PDE3A: variants seen among roughly 807,000 people sequenced by gnomAD.
PDE3A encodes cGMP-inhibited 3',5'-cyclic phosphodiesterase 3A.
PDE3A carries 43 observed loss-of-function variants against 98.3 expected under a neutral mutation model. That is an observed-to-expected ratio of 0.44 (90% CI 0.34 to 0.56). PDE3A has a LOEUF of 0.56. Among genes scored for constraint, PDE3A ranks in the 20% least tolerant of loss-of-function variants. The pLI is 0.01. For missense variants in PDE3A, 1,427 were observed against 1,440.7 expected (o/e 0.99, Z 0.15); for synonymous variants, 663 against 567.9 (o/e 1.17, Z -2.38).
At chr12:20,512,926 A>G (rs1168141040) in intron 1 of PDE3A, among the ~76,000 whole-genome samples, 1 of 152,150 alleles carries the variant, frequency 6.6e-6, no homozygotes, top group Non-Finnish European at 1.5e-5. Context: ...CGTATTATTC[A>G]TAATAGAAGT....
At chr12:20,515,457 T>C (rs1242563497) in intron 1 of PDE3A, among the ~76,000 whole-genome samples, 1 of 152,090 alleles carries the variant, frequency 6.6e-6, no homozygotes, top group Non-Finnish European at 1.5e-5. Flanking sequence ...ACTTTACACA[T>C]CTATAGGTAG....
At chr12:20,662,936 G>A (rs749006529) in intron 15 of PDE3A, among the ~76,000 whole-genome samples, 2 of 152,270 alleles carry the variant, frequency 1.3e-5, no homozygotes, top group Admixed American at 1.3e-4. Flanking sequence ...TCCTATCATA[G>A]ACCCAGAGGC....
At chr12:20,674,879 T>C (rs1945593277) in intron 15 of PDE3A, among the ~76,000 whole-genome samples, 1 of 151,978 alleles carries the variant, frequency 6.6e-6, no homozygotes, top group Non-Finnish European at 1.5e-5. Flanking sequence ...TTTGTTTATC[T>C]TTTCAAAAAA....
At chr12:20,491,802 C>T (rs565399656) in intron 1 of PDE3A, among the ~76,000 whole-genome samples, 1 of 152,286 alleles carries the variant, frequency 6.6e-6, no homozygotes, top group South Asian at 2.1e-4. Context: ...CTAGGTTACT[C>T]TACCGGTATA....
In PDE3A at chr12:20,369,180, A is replaced by G; in HGVS notation, c.-105A>G. On this transcript the variant is annotated 5_prime_UTR_variant, in exon 1 of 16. Coordinates refer to ENST00000359062, the MANE Select transcript of PDE3A (RefSeq NM_000921.5). ...GGATTCCGAGGGTGGAATTGGGAAGAGCGTGCGTGCGTGTGTGTGTGTGTG... is the reference window on the plus strand; with the variant it reads ...GGATTCCGAGGGTGGAATTGGGAAGGGCGTGCGTGCGTGTGTGTGTGTGTG... 4 of 626,646 alleles carry G rather than the reference A, an allele frequency of 6.4e-6. No homozygotes were observed. The highest frequency in any genetic ancestry group is 2.4e-5 in the South Asian group (1 of 42,504). 38.8% of individuals were successfully genotyped at this position (626,646 alleles called of 1,614,324 possible).
In PDE3A at chr12:20,462,891, G is replaced by C. The variant is rs576686022; in HGVS notation, c.960+92647G>C. Among the ~76,000 whole-genome samples the C allele has an allele frequency of 5.3e-5, 8 of 151,990 alleles. No homozygotes were observed. In the East Asian group the frequency reaches 1.6e-3, roughly 30 times the overall value. On this transcript the variant is annotated intron_variant, in intron 1 of 15. Coordinates refer to ENST00000359062, the MANE Select transcript of PDE3A (RefSeq NM_000921.5). ...TGTAGCCTTGACCTTCCAGGCTCAA[G>C]GGATCCTCCTACTTCGGCCTCCTGA...
chr12:20,381,512 G>C (rs1254056714), intron 1 of PDE3A, among the ~76,000 whole-genome samples: 1 of 151,816 alleles, frequency 6.6e-6, no homozygotes, highest in African/African-American at 2.4e-5. Flanking sequence ...GACACTCTTG[G>C]AAGCTGGGCA....
At chr12:20,395,191 G>A (rs1214963742) in intron 1 of PDE3A, among the ~76,000 whole-genome samples, 1 of 151,940 alleles carries the variant, frequency 6.6e-6, no homozygotes, top group Non-Finnish European at 1.5e-5. Flanking sequence ...TAGTCTCTCT[G>A]AGACAGAATG....
intron 2 of PDE3A, among the ~76,000 whole-genome samples, chr12:20,602,073 A>G (rs1943606615): frequency 6.6e-6 from 1 of 151,836 alleles, no homozygotes; most frequent in Non-Finnish European, 1.5e-5. Flanking sequence ...GCTCACATCC[A>G]GTTAAGTTCT....
At chr12:20,563,663 T>C (rs1438535341) in intron 2 of PDE3A, among the ~76,000 whole-genome samples, 1 of 152,120 alleles carries the variant, frequency 6.6e-6, no homozygotes. Flanking sequence ...GGTTTTGGGG[T>C]TTTTCGTTTG....
intron 2 of PDE3A, among the ~76,000 whole-genome samples, chr12:20,566,043 A>C (rs1277223230): frequency 6.6e-6 from 1 of 151,938 alleles, no homozygotes; most frequent in African/African-American, 2.4e-5. Flanking sequence ...CCATCATGTA[A>C]ACATCAGTAA....
intron 1 of PDE3A, among the ~76,000 whole-genome samples, chr12:20,414,781 A>G (rs1235542037): frequency 1.3e-5 from 2 of 152,186 alleles, no homozygotes; most frequent in Admixed American, 6.5e-5. Context: ...TTACATAACA[A>G]TTATATTGAA....
At chr12:20,414,254 G>A (rs559015447) in intron 1 of PDE3A, among the ~76,000 whole-genome samples, 12 of 152,240 alleles carry the variant, frequency 7.9e-5, no homozygotes, top group Non-Finnish European at 1.5e-4. Context: ...AATATATTGG[G>A]AGCTTGTAGA....
intron 2 of PDE3A, among the ~76,000 whole-genome samples, chr12:20,609,805 G>A (rs1483109044): frequency 2.0e-5 from 3 of 152,080 alleles, no homozygotes; most frequent in Middle Eastern, 3.4e-3. Context: ...GGAAAGGGGA[G>A]TCTCTTTGAT....
intron 1 of PDE3A, among the ~76,000 whole-genome samples, chr12:20,512,468 C>T (rs780150501): frequency 8.6e-4 from 131 of 151,992 alleles, no homozygotes; most frequent in African/African-American, 2.8e-3. Flanking sequence ...GTAGAGGCCA[C>T]GGAAGCTGAT....
intron 2 of PDE3A, among the ~76,000 whole-genome samples, chr12:20,597,504 T>C (rs947155769): frequency 6.6e-6 from 1 of 152,206 alleles, no homozygotes; most frequent in African/African-American, 2.4e-5. Context: ...TTGGTTTTTT[T>C]CTTTTTTTGA....
chr12:20,436,330 A>AAAAAC (rs1944778738), intron 1 of PDE3A, among the ~76,000 whole-genome samples: 1 of 152,142 alleles, frequency 6.6e-6, no homozygotes, highest in African/African-American at 2.4e-5. Context: ...GGCTATACTA[A>AAAAAC]AAAACAAAAC....
At chr12:20,386,124 T>TATATATAAAAAA (rs1565532575) in intron 1 of PDE3A, among the ~76,000 whole-genome samples, 11 of 18,228 alleles carry the variant, frequency 6.0e-4, no homozygotes, top group East Asian at 3.5e-3. Flanking sequence ...TATATATAAA[T>TATATATAAAAAA]ATATATAAAT....
intron 1 of PDE3A, among the ~76,000 whole-genome samples, chr12:20,541,075 CTTTTTTTTTTTTTTTTTTTTTTTTTT>C (rs777927679): frequency 5.7e-5 from 3 of 52,958 alleles, no homozygotes; most frequent in Non-Finnish European, 7.0e-5. Context: ...TGGTAACTTT[CTTTTTTTTTTTTTTTTTTTTTTTTTT>C]TTTTTTTTTT....
Sources: gnomAD v4.1 joint callset for allele counts (sites outside exome capture counted in the v4.1 genomes callset) on GRCh38, gnomAD v4.1.1 for gene constraint, MANE v1.5 for transcripts, NCBI Gene and HGNC (gene_info 2026-07-23, HGNC 2026-07-21) for gene names.